Variants in CCDC186 observed in about 807,000 individuals in gnomAD.
The protein encoded by CCDC186 is coiled-coil domain-containing protein 186.
In CCDC186, 49 loss-of-function variants were observed where a neutral mutation model predicts 113.7. The ratio of observed to expected loss-of-function variants is 0.43; its 90% CI spans 0.34 to 0.55. The LOEUF (loss-of-function observed/expected upper bound fraction) is 0.55, where lower values mean the gene tolerates loss of function less well. CCDC186 is among the 20% of genes least tolerant of loss of function. The probability of loss-of-function intolerance (pLI) is 0.02; values close to 1 mark genes in which losing one functional copy is unlikely to be tolerated. For synonymous variants in CCDC186, 355 were observed against 345.8 expected, an observed-to-expected ratio of 1.03 and a Z score of -0.30; for missense variants, 890 against 1,011.1, an observed-to-expected ratio of 0.88 and a Z score of 1.62.
Position 114,151,193 on chromosome 10 carries a change from T to C in CCDC186, c.787A>G (p.Lys263Glu), listed in dbSNP as rs2031846986. 2 of 1,585,542 alleles carry C rather than the reference T, an allele frequency of 1.3e-6. No individual in the cohort carries two copies. The highest frequency in any genetic ancestry group is 2.7e-5 in the African/African-American group (2 of 74,110). The change falls in exon 4 of 16, where the codon AAA becomes GAA. Residue 263 changes from lysine (K) to glutamate (E), a missense_variant. Physicochemically the swap from Lys to Glu is moderately conservative, Grantham distance 56. Coordinates refer to ENST00000369287, the MANE Select transcript of CCDC186 (RefSeq NM_018017.4). ...QLESRIEELN[K>E]EVKASRDQLI... Reference sequence around the variant, plus strand: ...TGATCTCTGGAAGCTTTAACTTCTTTATTAAGTTCTTCTATTCTTGATTCT... The same window carrying C: ...TGATCTCTGGAAGCTTTAACTTCTTCATTAAGTTCTTCTATTCTTGATTCT...
chr10:114,147,557 T>G (rs999820626), intron 4 of CCDC186, among the ~76,000 whole-genome samples: 2 of 152,092 alleles, frequency 1.3e-5, no homozygotes, highest in Non-Finnish European at 2.9e-5. Context: ...GGGCTTAAAT[T>G]TGGTGTGTTG....
At chr10:114,154,231 A>AC (rs1254813871) in intron 3 of CCDC186, among the ~76,000 whole-genome samples, 11 of 151,090 alleles carry the variant, frequency 7.3e-5, no homozygotes, top group African/African-American at 2.7e-4. Context: ...AAAAAAAGAA[A>AC]AGAAAAAGAA....
At chr10:114,139,150 G>C (rs2031376731) in intron 6 of CCDC186, among the ~76,000 whole-genome samples, 1 of 150,928 alleles carries the variant, frequency 6.6e-6, no homozygotes, top group Admixed American at 6.6e-5. Context: ...TCTAATATAA[G>C]CCTCTAGTTA....
intron 4 of CCDC186, among the ~76,000 whole-genome samples, chr10:114,150,074 A>G (rs1183705922): frequency 1.3e-5 from 2 of 152,252 alleles, no homozygotes; most frequent in South Asian, 4.1e-4. Context: ...ATAAAGGCTG[A>G]GGATAATCTG....
At chr10:114,171,020 G>A (rs1057067204) in intron 1 of CCDC186, among the ~76,000 whole-genome samples, 8 of 152,140 alleles carry the variant, frequency 5.3e-5, no homozygotes, top group Non-Finnish European at 7.4e-5. Flanking sequence ...ATATCAGCTC[G>A]GTAATTTTAC....
chr10:114,142,997 C>T (rs1353920242), intron 6 of CCDC186, among the ~76,000 whole-genome samples: 1 of 152,208 alleles, frequency 6.6e-6, no homozygotes, highest in Non-Finnish European at 1.5e-5. Flanking sequence ...ACGACTGTGT[C>T]TCCTAAGGCT....
At chr10:114,148,911 T>A (rs1370503942) in intron 4 of CCDC186, among the ~76,000 whole-genome samples, 2 of 152,246 alleles carry the variant, frequency 1.3e-5, no homozygotes, top group African/African-American at 4.8e-5. Flanking sequence ...CGTGTGCACA[T>A]GAACATGGGT....
At chr10:114,160,544 A>G (rs1382793506) in intron 2 of CCDC186, among the ~76,000 whole-genome samples, 1 of 152,212 alleles carries the variant, frequency 6.6e-6, no homozygotes, top group Non-Finnish European at 1.5e-5. Context: ...CCACACACAC[A>G]CAAAGGTAAC....
chr10:114,144,595 T>G lies in CCDC186; in HGVS notation c.1123A>C (p.Ile375Leu). The G allele has an allele frequency of 1.2e-6, 2 of 1,612,334 alleles. No individual in the cohort carries two copies. Among genetic ancestry groups the G allele is most frequent in the Non-Finnish European group, 1.7e-6 (2 of 1,178,662 alleles). ...TCCTTTAATTTGTCTATTTCTCTGA[T>G]GAGTCTAGTCGTTTCGCCTTCCTAA... ...ETKEGETTRL[I>L]REIDKLKEDI... The change falls in exon 6 of 16, where the codon ATC becomes CTC. Residue 375 changes from isoleucine to leucine, a missense_variant. Transcript: ENST00000369287.
chr10:114,152,053 G>A (rs758072042), intron 3 of CCDC186, among the ~76,000 whole-genome samples: 10 of 152,100 alleles, frequency 6.6e-5, no homozygotes, highest in Non-Finnish European at 1.0e-4. Context: ...TTGTTAAGAC[G>A]GGAAAGGAGC....
intron 4 of CCDC186, among the ~76,000 whole-genome samples, chr10:114,149,838 A>AAGGCAGGAAGGCAGGCAGGCAGGCAGGC (rs2031790021): frequency 5.6e-5 from 6 of 107,764 alleles, no homozygotes; most frequent in African/African-American, 1.3e-4. Context: ...GGAAGGCAGG[A>AAGGCAGGAAGGCAGGCAGGCAGGCAGGC]AGGCAGGCAG....
intron 6 of CCDC186, among the ~76,000 whole-genome samples, chr10:114,142,126 T>G (rs2031488970): frequency 6.6e-6 from 1 of 152,104 alleles, no homozygotes; most frequent in Admixed American, 6.5e-5. Flanking sequence ...GCCTTCTGAG[T>G]AAACAAACCA....
chr10:114,150,488 G>A (rs1033280916), intron 4 of CCDC186, among the ~76,000 whole-genome samples: 3 of 151,932 alleles, frequency 2.0e-5, no homozygotes, highest in Non-Finnish European at 4.4e-5. Context: ...TATGTAGTAA[G>A]ATACATAATC....
rs1293121876 is a variant in CCDC186, at chr10:114,122,597, G to A, written c.*2546C>T. 6.6e-6 allele frequency: 1 copy of A among 152,014 alleles called. No homozygotes were observed. Among genetic ancestry groups the A allele is most frequent in the African/African-American group, 2.4e-5 (1 of 41,384 alleles). 9.4% of individuals were successfully genotyped at this position (152,014 alleles called of 1,614,324 possible). On this transcript the variant is annotated 3_prime_UTR_variant, in exon 16 of 16. Coordinates refer to ENST00000369287, the MANE Select transcript of CCDC186 (RefSeq NM_018017.4). Reference sequence around the variant, plus strand: ...AACATATAAAACAAACTTCCCCCCAGGTCTCAGATTTATCCAGATCATTTT... The same window carrying A: ...AACATATAAAACAAACTTCCCCCCAAGTCTCAGATTTATCCAGATCATTTT...
chr10:114,170,826 TAA>T (rs968247533), intron 1 of CCDC186, among the ~76,000 whole-genome samples: 1 of 150,648 alleles, frequency 6.6e-6, no homozygotes, highest in African/African-American at 2.4e-5. Context: ...CAAAGATGTT[TAA>T]AAAAAAAGAC....
At chr10:114,133,559 A>C (rs1187744084) in intron 10 of CCDC186, among the ~76,000 whole-genome samples, 2 of 152,214 alleles carry the variant, frequency 1.3e-5, no homozygotes, top group East Asian at 3.8e-4. Flanking sequence ...ATTATGAGAG[A>C]AAGAGAAGCC....
chr10:114,140,722 C>T (rs1157505826), intron 6 of CCDC186, among the ~76,000 whole-genome samples: 2 of 152,194 alleles, frequency 1.3e-5, no homozygotes, highest in South Asian at 2.1e-4. Context: ...TTAATTCCAT[C>T]CAATGTATTT....
Position 114,121,222 on chromosome 10 carries a change from A to G in CCDC186, c.*3921T>C, listed in dbSNP as rs2030712236. 1 of 152,166 alleles carries G rather than the reference A, an allele frequency of 6.6e-6. No homozygotes were observed. The highest frequency in any genetic ancestry group is 2.4e-5 in the African/African-American group (1 of 41,444). 9.4% of individuals were successfully genotyped at this position (152,166 alleles called of 1,614,324 possible). Reference sequence around the variant, plus strand: ...AAATTTCAGGTTTCTAGTGCCACCAACTGGTGTTAATTAAAAATCAACAAT... The same window carrying G: ...AAATTTCAGGTTTCTAGTGCCACCAGCTGGTGTTAATTAAAAATCAACAAT... On this transcript the variant is annotated 3_prime_UTR_variant, in exon 16 of 16. Transcript: ENST00000369287.
chr10:114,164,723 TAAACTAATGGA>T (rs1159051215), intron 1 of CCDC186, among the ~76,000 whole-genome samples: 1 of 152,118 alleles, frequency 6.6e-6, no homozygotes, highest in African/African-American at 2.4e-5. Context: ...ACATGAGATA[TAAACTAATGGA>T]AAACTAATGG....
Sources: gnomAD v4.1 joint callset for allele counts (sites outside exome capture counted in the v4.1 genomes callset) on GRCh38, gnomAD v4.1.1 for gene constraint, MANE v1.5 for transcripts, NCBI Gene and HGNC (gene_info 2026-07-23, HGNC 2026-07-21) for gene names.